The following PSG5 variants were observed in gnomAD, a reference collection of about 807,000 sequenced individuals.
PSG5 encodes pregnancy specific beta-1-glycoprotein 5.
Under a neutral mutation model 37.7 loss-of-function variants are expected in PSG5, and 53 were observed. That is an observed-to-expected ratio of 1.41 (90% CI 1.13 to 1.77). The LOEUF (loss-of-function observed/expected upper bound fraction) is 1.77, where lower values mean the gene tolerates loss of function less well. Ranked by LOEUF, PSG5 falls within the 40% of genes most tolerant of loss-of-function variation. PSG5 has a pLI of 0.00. For synonymous variants in PSG5, 221 were observed against 155.4 expected (o/e 1.42, Z -3.14); for missense variants, 547 against 405.2 (o/e 1.35, Z -3.00).
At chr19:43,183,450 T>A (rs761964474) in intron 2 of PSG5, 1 of 529,826 alleles carries the variant, frequency 1.9e-6, no homozygotes, top group Non-Finnish European at 3.9e-6. Flanking sequence ...TGTCTCTCGC[T>A]GGGCCTGTGC....
intron 4 of PSG5, chr19:43,174,708 G>C: frequency 1.0e-6 from 1 of 1,004,118 alleles, no homozygotes; most frequent in Non-Finnish European, 1.2e-6. Context: ...GAGTGAGGCA[G>C]GCCCAGTCAC....
intron 2 of PSG5, chr19:43,178,764 A>C: frequency 1.9e-6 from 3 of 1,604,546 alleles, no homozygotes; most frequent in Non-Finnish European, 2.6e-6. Context: ...GCCAGCTTTG[A>C]TGTCCAGGGG....
At chr19:43,171,287 T>C (rs531766630) in intron 4 of PSG5, 6 of 151,826 alleles carry the variant, frequency 4.0e-5, no homozygotes, top group African/African-American at 1.2e-4. Context: ...TCTTGTTTCA[T>C]TGATTGCATT....
At chr19:43,184,110 C>G (rs990423192) in intron 2 of PSG5, among the ~76,000 whole-genome samples, 4 of 151,674 alleles carry the variant, frequency 2.6e-5, no homozygotes, top group African/African-American at 4.9e-5. Flanking sequence ...GGACATTAGA[C>G]TTTCTATGGA....
At position 43,168,035 on chromosome 19, in the gene PSG5, G is replaced by A; in HGVS notation, c.*209C>T. ...TAGAATTTCATGAAGGTATCAGCCT[G>A]TTCATTAAAATTTTGAAAGTTCTTA... is the stretch of plus-strand genomic sequence containing the variant. On this transcript the variant is annotated 3_prime_UTR_variant, in exon 6 of 6. Transcript: ENST00000342951. 1 of 415,912 alleles carries A rather than the reference G, an allele frequency of 2.4e-6. No individual in the cohort carries two copies. Among genetic ancestry groups the A allele is most frequent in the Non-Finnish European group, 4.4e-6 (1 of 226,906 alleles). 25.8% of individuals were successfully genotyped at this position (415,912 alleles called of 1,614,324 possible).
In PSG5 at chr19:43,175,992, G is replaced by C; in HGVS notation, c.587C>G (p.Pro196Arg). The part of the protein sequence containing the change: ...SLPVSPRVKR[P>R]IENRILILPS... Reference sequence around the variant, plus strand: ...TAGAATGAGGATCCTGTTTTCAATGGGTCGCTTTACCCTGGGACTGACCGG... The same window carrying C: ...TAGAATGAGGATCCTGTTTTCAATGCGTCGCTTTACCCTGGGACTGACCGG... The change falls in exon 3 of 6, where the codon CCC (proline) becomes CGC (arginine). Residue 196 changes from proline to arginine, a missense_variant. By Grantham distance (103) the Pro-to-Arg change is moderately radical. Transcript: ENST00000342951. 2 of 1,611,508 alleles carry C rather than the reference G, an allele frequency of 1.2e-6. No homozygotes were observed. Among genetic ancestry groups the C allele is most frequent in the South Asian group, 1.1e-5 (1 of 90,998 alleles).
At chr19:43,184,525 A>G (rs1599756297) in intron 2 of PSG5, among the ~76,000 whole-genome samples, 1 of 151,368 alleles carries the variant, frequency 6.6e-6, no homozygotes, top group Non-Finnish European at 1.5e-5. Flanking sequence ...GCTGAGACTG[A>G]TCTCCTCCTG....
intron 1 of PSG5, among the ~76,000 whole-genome samples, chr19:43,185,820 G>T (rs1966925001): frequency 9.9e-6 from 1 of 100,538 alleles, no homozygotes; most frequent in African/African-American, 4.5e-5. Flanking sequence ...AGTGTCATCT[G>T]ATATAGTTAT....
At chr19:43,172,693 A>G (rs1249707499) in intron 4 of PSG5, among the ~76,000 whole-genome samples, 2 of 151,640 alleles carry the variant, frequency 1.3e-5, no homozygotes, top group Admixed American at 1.3e-4. Flanking sequence ...AAATAATTAT[A>G]CCTGAAATCT....
rs748155950 is a variant in PSG5 at position 43,175,886 on chromosome 19, G to A, written c.693C>T (p.Val231=). ...GATACTCACAGAGGACATTCAGGGT[G>A]ACTGGGTCACTGCGCATGCCACCAT... ...DRDGGMRSDP[V]TLNVLYGPDL... Residue 231 remains valine (V), a synonymous_variant, in exon 3 of 6, where the codon GTC becomes GTT. Transcript: ENST00000342951. 1.2e-6 allele frequency: 2 copies of A among 1,612,386 alleles called. No individual in the cohort carries two copies. The highest frequency in any genetic ancestry group is 1.3e-5 in the African/African-American group (1 of 74,464).
chr19:43,172,870 G>A (rs1239505006), intron 4 of PSG5, among the ~76,000 whole-genome samples: 3 of 151,438 alleles, frequency 2.0e-5, no homozygotes, highest in Admixed American at 6.6e-5. Flanking sequence ...TGCAGAAAAA[G>A]ACAAATCTGT....
At position 43,168,671 on chromosome 19, in the gene PSG5, G is replaced by C. The variant is rs145106686; in HGVS notation, c.*41-468C>G. On this transcript the variant is annotated intron_variant, in intron 5 of 5. Transcript: ENST00000342951. ...GCAGGCGTGAGCCATCGCGCCCAGCGTAGAATACTCATATTATTAACATTC... is the reference window on the plus strand; with the variant it reads ...GCAGGCGTGAGCCATCGCGCCCAGCCTAGAATACTCATATTATTAACATTC... 6.7e-3 allele frequency among the ~76,000 whole-genome samples: 1,011 copies of C among 151,774 alleles called. 33 individuals carry two copies. Among genetic ancestry groups the C allele is most frequent in the Admixed American group, 0.03 (464 of 15,228 alleles).
In PSG5 at chr19:43,170,067, C is replaced by G; in HGVS notation, c.*28G>C. 2 of 1,550,354 alleles carry G rather than the reference C, an allele frequency of 1.3e-6. No individual in the cohort carries two copies. Among genetic ancestry groups the G allele is most frequent in the Non-Finnish European group, 1.8e-6 (2 of 1,129,898 alleles). On this transcript the variant is annotated 3_prime_UTR_variant, in exon 5 of 6. Transcript: ENST00000342951. ...AAGGCCATCATACCTGCCAGTCTTC[C>G]TGAAATACAGAAATGACTTCACGGC... is the stretch of plus-strand genomic sequence containing the variant.
chr19:43,174,954 C>T (rs769661257), intron 4 of PSG5: 158 of 1,342,954 alleles, frequency 1.2e-4, no homozygotes, highest in East Asian at 1.5e-4. Context: ...GTGAAGCCTC[C>T]TCTACCACAT....
Position 43,175,281 on chromosome 19 carries a change from T to C in PSG5, c.898A>G (p.Thr300Ala), listed in dbSNP as rs752981440. 2.3e-5 allele frequency: 37 copies of C among 1,612,632 alleles called. 1 individual carries two copies. Among genetic ancestry groups the C allele is most frequent in the African/African-American group, 1.5e-4 (11 of 74,560 alleles). The change falls in exon 4 of 6, where the codon ACT (threonine) becomes GCT (alanine). Residue 300 changes from threonine (T) to alanine (A), a missense_variant. Coordinates refer to ENST00000342951, the MANE Select transcript of PSG5 (RefSeq NM_002781.4). ...GTAGCTGAGTTACGAACAGAGCAAG[T>C]ATAGAGCCCTCTATGCTTTGTAGTA... ...QITTKHRGLYTCSVRNSATGK... is the reference protein window; with the variant it reads ...QITTKHRGLYACSVRNSATGK...
Position 43,184,452 on chromosome 19 carries a change from C to T in PSG5, c.430+330G>A, listed in dbSNP as rs546495519. 5.9e-5 allele frequency among the ~76,000 whole-genome samples: 9 copies of T among 151,752 alleles called. No homozygotes were observed. In the East Asian group the frequency reaches 1.7e-3, roughly 29 times the overall value. On this transcript the variant is annotated intron_variant, in intron 2 of 5. Transcript: ENST00000342951. ...TCTCAGGGGGCCCCTCAGGCCAAAG[C>T]CCTACTCAGTTCTCCAGGGTCTTTC...
intron 2 of PSG5, among the ~76,000 whole-genome samples, chr19:43,184,571 C>G (rs908136333): frequency 6.6e-6 from 1 of 151,480 alleles, no homozygotes; most frequent in South Asian, 2.1e-4. Flanking sequence ...TCCTCTGCAG[C>G]GAGTGTCTGC....
In PSG5 at chr19:43,184,774, T is replaced by A; in HGVS notation, c.430+8A>T. 5 of 1,612,058 alleles carry A rather than the reference T, an allele frequency of 3.1e-6. No homozygotes were observed. Among genetic ancestry groups the A allele is most frequent in the Non-Finnish European group, 4.2e-6 (5 of 1,178,882 alleles). On this transcript the variant is annotated splice_region_variant and intron_variant, in intron 2 of 5. Transcript: ENST00000342951. ...CCCAACACCCAGGGATCATGTGGAA[T>A]CACTCACGGTATAAGTTGAAGGTGA...
chr19:43,168,518 G>A (rs1244025393), intron 5 of PSG5, among the ~76,000 whole-genome samples: 1 of 151,404 alleles, frequency 6.6e-6, no homozygotes, highest in Non-Finnish European at 1.5e-5. Context: ...ACAGGTGCCT[G>A]CCACCACGCC....
Sources: gnomAD v4.1 joint callset for allele counts (sites outside exome capture counted in the v4.1 genomes callset) on GRCh38, gnomAD v4.1.1 for gene constraint, MANE v1.5 for transcripts, NCBI Gene and HGNC (gene_info 2026-07-23, HGNC 2026-07-21) for gene names.